The following KDM5B variants were observed in gnomAD, a reference collection of about 807,000 sequenced individuals.
KDM5B encodes lysine demethylase 5B.
KDM5B carries 144 observed loss-of-function variants against 193.4 expected under a neutral mutation model. That is an observed-to-expected ratio of 0.74 (90% CI 0.65 to 0.86). The LOEUF (loss-of-function observed/expected upper bound fraction) is 0.86. Among genes scored for constraint, KDM5B ranks in the 40% least tolerant of loss-of-function variants. The pLI is 0.00. For missense variants in KDM5B, 1,833 were observed against 1,886.9 expected (o/e 0.97, Z 0.53); for synonymous variants, 668 against 682.6 (o/e 0.98, Z 0.33).
At chr1:202,802,342 A>T (rs1281513168) in intron 1 of KDM5B, among the ~76,000 whole-genome samples, 4 of 151,856 alleles carry the variant, frequency 2.6e-5, no homozygotes, top group African/African-American at 9.7e-5. Flanking sequence ...AACAGGGTTC[A>T]TTTTTTTTAA....
At chr1:202,742,864 T>C in intron 16 of KDM5B, 59 bp from the exon 17 acceptor site, 1 of 1,452,444 alleles carries the variant, frequency 6.9e-7, no homozygotes, top group Non-Finnish European at 9.5e-7. Flanking sequence ...ACTACTGGTA[T>C]GAAATTCAGA....
intron 1 of KDM5B, among the ~76,000 whole-genome samples, chr1:202,791,625 A>G (rs1657645029): frequency 1.3e-5 from 2 of 152,100 alleles, no homozygotes; most frequent in South Asian, 4.1e-4. Context: ...ATATCCCCCC[A>G]ACCTTTAACC....
Position 202,808,389 on chromosome 1 carries a change from C to T in KDM5B, c.-84G>A. The T allele has an allele frequency of 2.3e-6, 3 of 1,304,228 alleles. No individual in the cohort carries two copies. The highest frequency in any genetic ancestry group is 3.1e-6 in the Non-Finnish European group (3 of 974,606). 80.8% of individuals were successfully genotyped at this position (1,304,228 alleles called of 1,614,324 possible). A position where few individuals can be genotyped will look rare whatever the true frequency, so the allele number is the denominator to read the frequency against. On this transcript the variant is annotated 5_prime_UTR_variant, in exon 1 of 27. Coordinates refer to ENST00000367265, the MANE Select transcript of KDM5B (RefSeq NM_006618.5). ...CCGCTCGGTCCGAGACCCGTGCAGA[C>T]GCGGCTCGAGCAACAGCAAGTCCGA...
chr1:202,755,290 A>C lies in KDM5B; in HGVS notation c.1519T>G (p.Ser507Ala). ...TCTCACCAGTGCAAGTAGTTAATTG[A>C]ATAGCTCCAGTGGTCTTCAATGTGC... ...CWHIEDHWSY[S>A]INYLHWGEPK... The change falls in exon 11 of 27, where the codon TCA (serine) becomes GCA (alanine). Residue 507 changes from serine to alanine, a missense_variant. This residue lies in a region of KDM5B where 1,379 missense variants were observed against 1,349.6 expected (regional missense o/e 1.02). Transcript: ENST00000367265. The C allele has an allele frequency of 6.2e-7, 1 of 1,614,082 alleles. No individual in the cohort carries two copies. The highest frequency in any genetic ancestry group is 8.5e-7 in the Non-Finnish European group (1 of 1,179,952).
intron 13 of KDM5B, among the ~76,000 whole-genome samples, 193 bp from the exon 14 acceptor site, chr1:202,749,332 C>A (rs994760378): frequency 1.3e-5 from 2 of 152,100 alleles, no homozygotes; most frequent in African/African-American, 2.4e-5. Context: ...GGAGGCCAAG[C>A]CTTGCTTGAG....
chr1:202,787,348 G>C (rs1657453171), intron 1 of KDM5B, among the ~76,000 whole-genome samples: 1 of 152,026 alleles, frequency 6.6e-6, no homozygotes, highest in South Asian at 2.1e-4. Context: ...TCAATGTTTT[G>C]TCCTTAGGAG....
At chr1:202,792,681 G>A (rs1216883269) in intron 1 of KDM5B, among the ~76,000 whole-genome samples, 1 of 152,170 alleles carries the variant, frequency 6.6e-6, no homozygotes. Flanking sequence ...CCAGAAGGAA[G>A]AGAGAGAAGA....
intron 8 of KDM5B, among the ~76,000 whole-genome samples, chr1:202,760,170 C>T (rs111321690): frequency 1.1e-3 from 161 of 149,846 alleles, no homozygotes; most frequent in African/African-American, 3.9e-3. Context: ...AAAAATTAGC[C>T]AGGCATCATG....
Position 202,728,329 on chromosome 1 carries a change from G to A in KDM5B, c.*707C>T, listed in dbSNP as rs1019533504. 1 of 152,650 alleles carries A rather than the reference G, an allele frequency of 6.6e-6. No homozygotes were observed. Among genetic ancestry groups the A allele is most frequent in the Non-Finnish European group, 1.5e-5 (1 of 68,058 alleles). 9.5% of individuals were successfully genotyped at this position (152,650 alleles called of 1,614,324 possible). A position where few individuals can be genotyped will look rare whatever the true frequency, so the allele number is the denominator to read the frequency against. On this transcript the variant is annotated 3_prime_UTR_variant, in exon 27 of 27. Coordinates refer to ENST00000367265, the MANE Select transcript of KDM5B (RefSeq NM_006618.5). ...AGCTGTGGCAATTACTTACAGAGAAGTCTCTTTTCTACATCACTAGTTCAT... is the reference window on the plus strand; with the variant it reads ...AGCTGTGGCAATTACTTACAGAGAAATCTCTTTTCTACATCACTAGTTCAT...
rs767453514 is a variant in KDM5B, at chr1:202,735,488, A to C, written c.3364T>G (p.Leu1122Val). The C allele has an allele frequency of 5.0e-6, 8 of 1,613,918 alleles. No individual in the cohort carries two copies. Among genetic ancestry groups the C allele is most frequent in the Non-Finnish European group, 6.8e-6 (8 of 1,179,980 alleles). ...LPNGKKKSTK[L>V]ESLSDLERAL... ...CTCTCCAGGTCACTCAGACTCTCTA[A>C]TTTGGTGCTTTTTTTCTTTCCATTT... is the stretch of plus-strand genomic sequence containing the variant. Residue 1122 changes from leucine (L) to valine (V), a missense_variant, in exon 22 of 27, where the codon TTA becomes GTA. Leu to Val is a conservative substitution (Grantham distance 32). Transcript: ENST00000367265.
chr1:202,780,207 G>A (rs1210228971), intron 1 of KDM5B, among the ~76,000 whole-genome samples: 2 of 151,962 alleles, frequency 1.3e-5, no homozygotes, highest in Non-Finnish European at 2.9e-5. Flanking sequence ...TTGAGATGGA[G>A]TCTCATGCTG....
chr1:202,730,771 G>A, intron 25 of KDM5B, 138 bp downstream of exon 25: 1 of 736,530 alleles, frequency 1.4e-6, no homozygotes, highest in East Asian at 2.7e-5. Context: ...CTTCAACTAA[G>A]TCAGCATTCA....
chr1:202,778,319 G>A (rs555711825), intron 1 of KDM5B, among the ~76,000 whole-genome samples: 1 of 152,196 alleles, frequency 6.6e-6, no homozygotes, highest in South Asian at 2.1e-4. Flanking sequence ...ACACATATAT[G>A]TATGAATTGT....
intron 1 of KDM5B, among the ~76,000 whole-genome samples, chr1:202,792,822 C>T (rs1479166141): frequency 2.0e-5 from 3 of 151,916 alleles, no homozygotes; most frequent in South Asian, 4.2e-4. Flanking sequence ...GGTGAAACCC[C>T]GTCTCTACTA....
chr1:202,803,697 C>G (rs1658171363), intron 1 of KDM5B, among the ~76,000 whole-genome samples: 1 of 151,926 alleles, frequency 6.6e-6, no homozygotes, highest in African/African-American at 2.4e-5. Context: ...GCGGTGCATG[C>G]CCACCCAGCT....
At chr1:202,786,370 A>G (rs1447846836) in intron 1 of KDM5B, among the ~76,000 whole-genome samples, 1 of 152,066 alleles carries the variant, frequency 6.6e-6, no homozygotes, top group African/African-American at 2.4e-5. Context: ...AAGAGCTGCT[A>G]AGATTTTTTA....
chr1:202,795,760 T>C (rs1251712757), intron 1 of KDM5B, among the ~76,000 whole-genome samples: 1 of 152,054 alleles, frequency 6.6e-6, no homozygotes, highest in Non-Finnish European at 1.5e-5. Flanking sequence ...AAATTTAAGT[T>C]TATATGATTA....
chr1:202,730,511 T>C (rs1654841881), intron 25 of KDM5B, among the ~76,000 whole-genome samples: 1 of 152,176 alleles, frequency 6.6e-6, no homozygotes, highest in Non-Finnish European at 1.5e-5. Flanking sequence ...CATTCAATGA[T>C]TGTGCCATAC....
chr1:202,767,961 T>A (rs1303481899), intron 4 of KDM5B, among the ~76,000 whole-genome samples: 1 of 152,220 alleles, frequency 6.6e-6, no homozygotes, highest in East Asian at 1.9e-4. Context: ...TTTCTAGATT[T>A]TACAACTGTA....
Sources: allele counts gnomAD v4.1 joint callset (sites outside exome capture counted in the v4.1 genomes callset), GRCh38; gene constraint gnomAD v4.1.1; regional missense constraint gnomAD v4.1.1; transcripts MANE v1.5; gene names NCBI Gene and HGNC (gene_info 2026-07-23, HGNC 2026-07-21).